Variants in AFF3 observed in about 807,000 individuals in gnomAD.
AFF3 encodes the protein ALF transcription elongation factor 3, also known as AF4/FMR2 family member 3.
Under a neutral mutation model 129.7 loss-of-function variants are expected in AFF3, and 32 were observed. That is an observed-to-expected ratio of 0.25 (90% CI 0.19 to 0.33). The LOEUF (loss-of-function observed/expected upper bound fraction) is 0.33. Among genes scored for constraint, AFF3 ranks in the 10% least tolerant of loss-of-function variants. The probability of loss-of-function intolerance (pLI) is 1.00; values close to 1 mark genes in which losing one functional copy is unlikely to be tolerated. For missense variants in AFF3, 1,373 were observed against 1,592.0 expected, an observed-to-expected ratio of 0.86 and a Z score of 2.34; for synonymous variants, 644 against 635.4, an observed-to-expected ratio of 1.01 and a Z score of -0.20.
intron 24 of AFF3, among the ~76,000 whole-genome samples, chr2:99,552,508 T>C (rs576066405): frequency 3.9e-5 from 6 of 152,328 alleles, no homozygotes; most frequent in Admixed American, 3.9e-4. Context: ...GTTTAGTGGC[T>C]GATAGAGGAA....
At chr2:100,090,771 G>T (rs1200831755) in intron 4 of AFF3, among the ~76,000 whole-genome samples, 1 of 152,282 alleles carries the variant, frequency 6.6e-6, no homozygotes, top group East Asian at 1.9e-4. Flanking sequence ...CTGCTTCCCA[G>T]GTTCAAGTGA....
At chr2:99,932,489 C>T (rs1381667061) in intron 7 of AFF3, among the ~76,000 whole-genome samples, 1 of 152,182 alleles carries the variant, frequency 6.6e-6, no homozygotes, top group Non-Finnish European at 1.5e-5. Context: ...TGTTCCGCTC[C>T]ACAGGGGCCA....
chr2:99,624,040 G>T (rs951006426), intron 13 of AFF3, among the ~76,000 whole-genome samples: 5 of 152,188 alleles, frequency 3.3e-5, no homozygotes, highest in African/African-American at 1.2e-4. Flanking sequence ...CAGGGCCCTG[G>T]GAGGCTGCAC....
At chr2:99,973,769 T>C (rs1256092983) in intron 7 of AFF3, among the ~76,000 whole-genome samples, 1 of 152,110 alleles carries the variant, frequency 6.6e-6, no homozygotes, top group Non-Finnish European at 1.5e-5. Flanking sequence ...GCACATTTTG[T>C]CTCTGCAGCT....
chr2:99,765,359 C>T (rs965791729), intron 8 of AFF3, among the ~76,000 whole-genome samples: 1 of 152,202 alleles, frequency 6.6e-6, no homozygotes, highest in Admixed American at 6.5e-5. Context: ...TCCTGAACCC[C>T]TTTCCACAGA....
chr2:99,587,017 G>A (rs1055946247), intron 16 of AFF3, 137 bp downstream of exon 16: 2 of 1,186,090 alleles, frequency 1.7e-6, no homozygotes, highest in Admixed American at 2.1e-5. Context: ...TAAGATTTGG[G>A]TTAAAGGAGG....
At chr2:99,635,390 T>C (rs1046458135) in intron 13 of AFF3, among the ~76,000 whole-genome samples, 9 of 152,152 alleles carry the variant, frequency 5.9e-5, no homozygotes, top group Admixed American at 3.9e-4. Context: ...CTCTGCCTCC[T>C]GGGCTCAAGC....
chr2:99,891,847 G>C lies in AFF3; in HGVS notation c.874-54323C>G, dbSNP rs1693580085. 2.0e-5 allele frequency among the ~76,000 whole-genome samples: 3 copies of C among 150,642 alleles called. No homozygotes were observed. The South Asian group carries it at 6.3e-4, about 32-fold the overall frequency. ...CAGCACATTTTTTTTTTTTGAGACA[G>C]AGTCTCGCTCTGTTGCCCAGGCTGG... On this transcript the variant is annotated intron_variant, in intron 7 of 24. Coordinates refer to ENST00000672756, the MANE Select transcript of AFF3 (RefSeq NM_001386135.1).
chr2:99,715,674 CTT>C (rs35307881), intron 11 of AFF3, among the ~76,000 whole-genome samples: 120 of 136,076 alleles, frequency 8.8e-4, no homozygotes, highest in East Asian at 8.8e-4. Flanking sequence ...CATTTCAAAT[CTT>C]TTTTTTTTTT....
chr2:99,860,254 T>C (rs185105965), intron 7 of AFF3, among the ~76,000 whole-genome samples: 6 of 151,934 alleles, frequency 3.9e-5, no homozygotes, highest in Admixed American at 6.6e-5. Context: ...CTGTCTCTAC[T>C]AAAAATACAA....
chr2:99,997,851 A>G (rs1680999233), intron 7 of AFF3, among the ~76,000 whole-genome samples: 1 of 151,938 alleles, frequency 6.6e-6, no homozygotes, highest in Non-Finnish European at 1.5e-5. Context: ...GGCTAACTCT[A>G]CCACGTCCCA....
intron 19 of AFF3, among the ~76,000 whole-genome samples, chr2:99,566,787 A>C (rs1676008477): frequency 6.6e-6 from 1 of 152,160 alleles, no homozygotes; most frequent in Non-Finnish European, 1.5e-5. Flanking sequence ...TCATCAATTA[A>C]AACAGAATGA....
At chr2:99,633,871 G>A (rs186851781) in intron 13 of AFF3, among the ~76,000 whole-genome samples, 3 of 150,560 alleles carry the variant, frequency 2.0e-5, no homozygotes, top group African/African-American at 7.3e-5. Flanking sequence ...TGTACAGCCT[G>A]CAGAACTGTG....
At chr2:99,996,614 T>C (rs1178208605) in intron 7 of AFF3, among the ~76,000 whole-genome samples, 1 of 150,216 alleles carries the variant, frequency 6.7e-6, no homozygotes, top group Non-Finnish European at 1.5e-5. Context: ...TCTCCTGACC[T>C]TGTGATCCGC....
chr2:99,603,958 G>A (rs914711742), intron 13 of AFF3, among the ~76,000 whole-genome samples: 3 of 152,092 alleles, frequency 2.0e-5, no homozygotes, highest in African/African-American at 7.2e-5. Context: ...TGGCTATTAC[G>A]TAAAAATCCA....
chr2:99,742,723 G>C (rs1373979865), intron 10 of AFF3, among the ~76,000 whole-genome samples: 1 of 152,170 alleles, frequency 6.6e-6, no homozygotes, highest in Non-Finnish European at 1.5e-5. Flanking sequence ...AAAATGACTC[G>C]TTATTAGCCT....
chr2:99,769,596 T>C (rs1683301088), intron 8 of AFF3, among the ~76,000 whole-genome samples: 1 of 152,210 alleles, frequency 6.6e-6, no homozygotes, highest in Admixed American at 6.5e-5. Flanking sequence ...TAGGTCCTTA[T>C]TGTAGTCTTT....
At chr2:99,720,939 C>T (rs529931871) in intron 11 of AFF3, among the ~76,000 whole-genome samples, 1 of 152,184 alleles carries the variant, frequency 6.6e-6, no homozygotes, top group South Asian at 2.1e-4. Context: ...CTTGCCTTCC[C>T]TTATTGTTTG....
At chr2:100,036,480 T>C (rs1007167465) in intron 4 of AFF3, among the ~76,000 whole-genome samples, 1 of 152,062 alleles carries the variant, frequency 6.6e-6, no homozygotes, top group African/African-American at 2.4e-5. Context: ...AAAAAATGAA[T>C]TCCAATAAAT....
Sources: gnomAD v4.1 joint callset for allele counts (sites outside exome capture counted in the v4.1 genomes callset) on GRCh38, gnomAD v4.1.1 for gene constraint, MANE v1.5 for transcripts, NCBI Gene and HGNC (gene_info 2026-07-23, HGNC 2026-07-21) for gene names.